CNDP2: variants seen among roughly 807,000 people sequenced by gnomAD.
CNDP2 encodes carnosine dipeptidase 2, also known as cytosolic non-specific dipeptidase.
In CNDP2, 38 loss-of-function variants were observed where a neutral mutation model predicts 55.0. The observed-to-expected ratio is 0.69, with a 90% CI of 0.53 to 0.90. The LOEUF (loss-of-function observed/expected upper bound fraction) is 0.90. CNDP2 is among the 40% of genes least tolerant of loss of function. CNDP2 has a pLI of 0.00. For missense variants in CNDP2, 607 were observed against 621.7 expected (o/e 0.98, Z 0.25); for synonymous variants, 241 against 260.2 (o/e 0.93, Z 0.71).
At chr18:74,518,270 T>A (rs556299471) in intron 9 of CNDP2, 3 of 396,136 alleles carry the variant, frequency 7.6e-6, no homozygotes, top group Non-Finnish European at 1.4e-5. Flanking sequence ...TCAGAAAAAA[T>A]AAAAAATAAA....
At chr18:74,517,602 G>A (rs1979757700) in intron 9 of CNDP2, 1 of 152,122 alleles carries the variant, frequency 6.6e-6, no homozygotes, top group South Asian at 2.1e-4. Flanking sequence ...GCAAGAGGCA[G>A]GGGTGGTGTG....
chr18:74,502,999 C>A (rs1188602111), intron 3 of CNDP2, among the ~76,000 whole-genome samples: 1 of 151,724 alleles, frequency 6.6e-6, no homozygotes, highest in Non-Finnish European at 1.5e-5. Flanking sequence ...CAATTTTCCC[C>A]CCATCTTTGG....
At chr18:74,499,598 T>G in intron 1 of CNDP2, 1 of 212,504 alleles carries the variant, frequency 4.7e-6, no homozygotes, top group East Asian at 1.1e-4. Flanking sequence ...GTAAAAATTT[T>G]TATTAAAGTA....
chr18:74,519,028 G>C lies in CNDP2; in HGVS notation c.1290G>C (p.Lys430Asn). ...TGACCTTTCAGGAGGCCACGGGCAA[G>C]AACGTCATGCTGCTGCCTGTGGGGT... Reference protein sequence around the residue: ...VTLTFQEATGKNVMLLPVGSA... With the variant: ...VTLTFQEATGNNVMLLPVGSA... Residue 430 changes from lysine (K) to asparagine (N), a missense_variant, in exon 11 of 12, where the codon AAG (lysine) becomes AAC (asparagine). By Grantham distance (94) the Lys-to-Asn change is moderately conservative. Coordinates refer to ENST00000324262, the MANE Select transcript of CNDP2 (RefSeq NM_018235.3). 6.2e-7 allele frequency: 1 copy of C among 1,614,052 alleles called. No individual in the cohort carries two copies. Among genetic ancestry groups the C allele is most frequent in the Non-Finnish European group, 8.5e-7 (1 of 1,179,938 alleles).
intron 3 of CNDP2, 131 bp downstream of exon 3, chr18:74,501,603 G>A (rs1261224082): frequency 1.7e-6 from 2 of 1,192,000 alleles, no homozygotes; most frequent in Non-Finnish European, 2.3e-6. Context: ...AAAAAGGAAG[G>A]GCCTGATTTG....
rs781280546 is a variant in CNDP2, at chr18:74,519,016, GGCCACGGGCAAGAACGTCAT to G, written c.1281_1300del (p.Thr428AlafsTer8). The G allele has an allele frequency of 6.2e-7, 1 of 1,614,140 alleles. No homozygotes were observed. The highest frequency in any genetic ancestry group is 8.5e-7 in the Non-Finnish European group (1 of 1,180,008). ...TTCCCGTGACCTTGACCTTTCAGGA[GGCCACGGGCAAGAACGTCAT>G]GCTGCTGCCTGTGGGGTCAGCGGAT... On this transcript the variant is annotated frameshift_variant, in exon 11 of 12. Coordinates refer to ENST00000324262, the MANE Select transcript of CNDP2 (RefSeq NM_018235.3). LOFTEE classifies it high-confidence loss of function.
chr18:74,516,386 C>T lies in CNDP2; in HGVS notation c.1062C>T (p.Gly354=), dbSNP rs780262570. 43 of 1,608,494 alleles carry T rather than the reference C, an allele frequency of 2.7e-5. No individual in the cohort carries two copies. Among genetic ancestry groups the T allele is most frequent in the Admixed American group, 5.0e-5 (3 of 59,502 alleles). ...CGAACATGACTCCTGAAGTCGTCGG[C>T]GAGCAGGCATGTGGGGCTGGGACAC... ...LVPNMTPEVV[G]EQVTSYLTKK... Residue 354 remains glycine, a synonymous_variant, in exon 9 of 12, where the codon GGC becomes GGT. Transcript: ENST00000324262.
At position 74,522,173 on chromosome 18, in the gene CNDP2, T is replaced by G. The variant is rs1388952430; in HGVS notation, c.*2105T>G. ...GGACCCTCTATGGCTTTTGCATCTT[T>G]TCTCTAAGTCTCCTGTCATTTCAAA... is the stretch of plus-strand genomic sequence containing the variant. On this transcript the variant is annotated 3_prime_UTR_variant, in exon 12 of 12. Transcript: ENST00000324262. The G allele has an allele frequency of 2.6e-5, 4 of 152,222 alleles. No homozygotes were observed. Among genetic ancestry groups the G allele is most frequent in the Non-Finnish European group, 5.9e-5 (4 of 68,046 alleles). 9.4% of individuals were successfully genotyped at this position (152,222 alleles called of 1,614,324 possible). A position where few individuals can be genotyped will look rare whatever the true frequency, so the allele number is the denominator to read the frequency against.
intron 3 of CNDP2, chr18:74,505,112 A>G (rs895715850): frequency 3.3e-5 from 5 of 152,122 alleles, no homozygotes; most frequent in Admixed American, 2.6e-4. Flanking sequence ...AGATTTTTTT[A>G]TATATATCTT....
rs1980096332 is a variant in CNDP2, at chr18:74,522,272, T to C, written c.*2204T>C. On this transcript the variant is annotated 3_prime_UTR_variant, in exon 12 of 12. Coordinates refer to ENST00000324262, the MANE Select transcript of CNDP2 (RefSeq NM_018235.3). ...ACCCAGCACTCAGTGCTATCTGGGC[T>C]TGTGGCTCCAACTCAACTCCTCCAT... 6.6e-6 allele frequency: 1 copy of C among 152,252 alleles called. No individual in the cohort carries two copies. Among genetic ancestry groups the C allele is most frequent in the African/African-American group, 2.4e-5 (1 of 41,466 alleles). 9.4% of individuals were successfully genotyped at this position (152,252 alleles called of 1,614,324 possible).
intron 3 of CNDP2, among the ~76,000 whole-genome samples, 184 bp downstream of exon 3, chr18:74,501,656 A>G (rs1238582963): frequency 6.6e-6 from 1 of 152,174 alleles, no homozygotes; most frequent in Non-Finnish European, 1.5e-5. Context: ...GGATTGGGGC[A>G]AAGGTTTTGT....
chr18:74,516,198 G>A (rs1157510063), intron 8 of CNDP2, 30 bp from the exon 9 acceptor site: 1 of 1,583,250 alleles, frequency 6.3e-7, no homozygotes, highest in South Asian at 1.2e-5. Context: ...GAATGCCTGA[G>A]GTGTCCCTGA....
chr18:74,505,894 A>T lies in CNDP2; in HGVS notation c.250A>T (p.Arg84Trp), dbSNP rs1978988797. ...CCCGCTCCCTCCTATTCTGCTCGGC[A>T]GGCTGGGCTCCGACCCACAGAAGAA... is the stretch of plus-strand genomic sequence containing the variant. ...EIPLPPILLG[R>W]LGSDPQKKTV... The change falls in exon 4 of 12, where the codon AGG (arginine) becomes TGG (tryptophan). Residue 84 changes from arginine (R) to tryptophan (W), a missense_variant. Physicochemically the swap from Arg to Trp is moderately radical, Grantham distance 101. Coordinates refer to ENST00000324262, the MANE Select transcript of CNDP2 (RefSeq NM_018235.3). 6.2e-7 allele frequency: 1 copy of T among 1,612,090 alleles called. No homozygotes were observed. Among genetic ancestry groups the T allele is most frequent in the Non-Finnish European group, 8.5e-7 (1 of 1,179,412 alleles).
rs556908287 is a variant in CNDP2 at position 74,505,882 on chromosome 18, A to C, written c.238A>C (p.Ile80Leu). 1.2e-6 allele frequency: 2 copies of C among 1,611,812 alleles called. No individual in the cohort carries two copies. Among genetic ancestry groups the C allele is most frequent in the Non-Finnish European group, 1.7e-6 (2 of 1,179,334 alleles). The part of the protein sequence containing the change: ...PDGSEIPLPP[I>L]LLGRLGSDPQ... ...TGGCTCGGAGATCCCGCTCCCTCCT[A>C]TTCTGCTCGGCAGGCTGGGCTCCGA... The change falls in exon 4 of 12, where the codon ATT becomes CTT. Residue 80 changes from isoleucine to leucine, a missense_variant. Physicochemically the swap from Ile to Leu is conservative, Grantham distance 5 (BLOSUM62 2). Transcript: ENST00000324262.
chr18:74,498,320 A>G (rs1663276641), intron 1 of CNDP2, among the ~76,000 whole-genome samples: 1 of 152,066 alleles, frequency 6.6e-6, no homozygotes. Context: ...ATGTACCTTT[A>G]CTGGATGCTG....
intron 9 of CNDP2, chr18:74,517,374 C>G (rs1010083667): frequency 6.6e-6 from 1 of 152,188 alleles, no homozygotes; most frequent in Admixed American, 6.5e-5. Context: ...CGGCTCAGCC[C>G]GCAGCTCATC....
chr18:74,510,141 CAGA>C (rs1979258317), intron 5 of CNDP2, among the ~76,000 whole-genome samples: 1 of 152,180 alleles, frequency 6.6e-6, no homozygotes, highest in Non-Finnish European at 1.5e-5. Flanking sequence ...ATGTGACGGG[CAGA>C]AGAGGAGGAG....
At position 74,520,152 on chromosome 18, in the gene CNDP2, G is replaced by T. The variant is rs1264126384; in HGVS notation, c.*84G>T. ...TTCCAACTTGCCCAGGGAAGTGGAG[G>T]TTCCCTCTTTCCTTTCCCTCTTGTC... is the stretch of plus-strand genomic sequence containing the variant. On this transcript the variant is annotated 3_prime_UTR_variant, in exon 12 of 12. Coordinates refer to ENST00000324262, the MANE Select transcript of CNDP2 (RefSeq NM_018235.3). The T allele has an allele frequency of 1.5e-6, 2 of 1,308,326 alleles. No individual in the cohort carries two copies. Among genetic ancestry groups the T allele is most frequent in the Non-Finnish European group, 2.2e-6 (2 of 911,164 alleles). 81.0% of individuals were successfully genotyped at this position (1,308,326 alleles called of 1,614,324 possible).
Position 74,508,880 on chromosome 18 carries a change from G to A in CNDP2, c.408G>A (p.Pro136=), listed in dbSNP as rs368043121. ...YGRGSTDDKG[P]VAGWINALEA... ...GAGGTTCGACTGATGATAAGGGCCC[G>A]GTGGCCGGCTGGATAAACGCCCTGG... The change falls in exon 5 of 12, where the codon CCG becomes CCA. Residue 136 remains proline (P), a synonymous_variant. Coordinates refer to ENST00000324262, the MANE Select transcript of CNDP2 (RefSeq NM_018235.3). 122 of 1,614,120 alleles carry A rather than the reference G, an allele frequency of 7.6e-5. 1 individual carries two copies. In the Middle Eastern group the frequency reaches 2.8e-3, roughly 37 times the overall value.
Sources: gnomAD v4.1 joint callset for allele counts (sites outside exome capture counted in the v4.1 genomes callset) on GRCh38, gnomAD v4.1.1 for gene constraint, MANE v1.5 for transcripts, NCBI Gene and HGNC (gene_info 2026-07-23, HGNC 2026-07-21) for gene names.